The following GRM7 variants were observed in gnomAD, a reference collection of about 807,000 sequenced individuals.
GRM7 encodes the protein glutamate metabotropic receptor 7, also known as metabotropic glutamate receptor 7.
Under a neutral mutation model 84.5 loss-of-function variants are expected in GRM7, and 35 were observed. That is an observed-to-expected ratio of 0.41 (90% CI 0.32 to 0.55). The LOEUF is 0.55. Among genes scored for constraint, GRM7 ranks in the 20% least tolerant of loss-of-function variants. The pLI, the probability that GRM7 is intolerant of heterozygous loss-of-function variation, is 0.19. For missense variants in GRM7, 1,003 were observed against 1,194.6 expected (o/e 0.84, Z 2.36); for synonymous variants, 487 against 455.1 (o/e 1.07, Z -0.89).
At chr3:7,702,403 T>A (rs953096699) in intron 9 of GRM7, among the ~76,000 whole-genome samples, 2 of 152,214 alleles carry the variant, frequency 1.3e-5, no homozygotes, top group African/African-American at 4.8e-5. Flanking sequence ...AAATTTTGAC[T>A]ATGTACAACC....
At chr3:6,889,217 C>T (rs1480177082) in intron 1 of GRM7, among the ~76,000 whole-genome samples, 1 of 152,014 alleles carries the variant, frequency 6.6e-6, no homozygotes, top group South Asian at 2.1e-4. Context: ...ATTGAATGCC[C>T]TTTATTTCCT....
At chr3:6,996,336 C>T (rs1694829922) in intron 1 of GRM7, among the ~76,000 whole-genome samples, 1 of 152,172 alleles carries the variant, frequency 6.6e-6, no homozygotes, top group African/African-American at 2.4e-5. Context: ...ACATGAGCCA[C>T]CATGCCTGGC....
At chr3:7,376,522 C>A (rs1450657737) in intron 4 of GRM7, among the ~76,000 whole-genome samples, 1 of 152,158 alleles carries the variant, frequency 6.6e-6, no homozygotes, top group Non-Finnish European at 1.5e-5. Context: ...ATATATGGAG[C>A]CTTCAACAAT....
chr3:7,352,074 C>CACACACACAT (rs1693183979), intron 4 of GRM7, among the ~76,000 whole-genome samples: 2 of 150,122 alleles, frequency 1.3e-5, no homozygotes, highest in African/African-American at 2.5e-5. Context: ...CACACACACA[C>CACACACACAT]ACACACACAC....
intron 1 of GRM7, among the ~76,000 whole-genome samples, chr3:7,058,603 C>T (rs1484513738): frequency 1.3e-5 from 2 of 151,880 alleles, no homozygotes; most frequent in Admixed American, 6.6e-5. Flanking sequence ...GCTTGTTCCT[C>T]AGTGCCATAA....
intron 2 of GRM7, among the ~76,000 whole-genome samples, chr3:7,295,179 T>C (rs1699772699): frequency 1.3e-5 from 2 of 152,212 alleles, no homozygotes; most frequent in African/African-American, 4.8e-5. Context: ...AGTTAATTTC[T>C]ATATAAGGCA....
chr3:7,112,575 G>T (rs906023631), intron 1 of GRM7, among the ~76,000 whole-genome samples: 4 of 152,088 alleles, frequency 2.6e-5, no homozygotes, highest in Admixed American at 2.6e-4. Context: ...CTGACTTTGA[G>T]AATTATCTTG....
intron 8 of GRM7, among the ~76,000 whole-genome samples, chr3:7,637,011 G>A (rs1209828804): frequency 1.3e-5 from 2 of 152,220 alleles, no homozygotes; most frequent in Admixed American, 1.3e-4. Context: ...GTCATGGCAT[G>A]AGAATACTCC....
At chr3:7,548,732 T>C (rs1693292523) in intron 7 of GRM7, among the ~76,000 whole-genome samples, 1 of 152,214 alleles carries the variant, frequency 6.6e-6, no homozygotes, top group Non-Finnish European at 1.5e-5. Flanking sequence ...TACAGCCATT[T>C]TGAAGCACTA....
At chr3:7,626,027 C>T (rs922107528) in intron 8 of GRM7, among the ~76,000 whole-genome samples, 2 of 152,024 alleles carry the variant, frequency 1.3e-5, no homozygotes, top group Non-Finnish European at 2.9e-5. Context: ...ACATGGGAGG[C>T]ATGTTCTTAG....
intron 8 of GRM7, among the ~76,000 whole-genome samples, chr3:7,667,694 C>G (rs1440473053): frequency 6.6e-6 from 1 of 151,866 alleles, no homozygotes; most frequent in Non-Finnish European, 1.5e-5. Flanking sequence ...CAGCAATTTA[C>G]TCACATTCTT....
intron 2 of GRM7, among the ~76,000 whole-genome samples, chr3:7,238,289 A>G (rs1196718908): frequency 6.6e-6 from 1 of 152,146 alleles, no homozygotes; most frequent in Non-Finnish European, 1.5e-5. Context: ...TTTCTATTCT[A>G]GGTTCATCAC....
intron 2 of GRM7, among the ~76,000 whole-genome samples, chr3:7,170,949 T>C (rs1271142567): frequency 2.6e-5 from 4 of 152,144 alleles, no homozygotes; most frequent in Non-Finnish European, 4.4e-5. Flanking sequence ...TGCAGACACA[T>C]GTCTTGTGTA....
chr3:7,219,430 G>A (rs2124870455), intron 2 of GRM7, among the ~76,000 whole-genome samples: 1 of 152,252 alleles, frequency 6.6e-6, no homozygotes, highest in East Asian at 1.9e-4. Flanking sequence ...TTACTACAGT[G>A]AATAGCCTTG....
intron 1 of GRM7, among the ~76,000 whole-genome samples, chr3:6,924,007 C>T (rs62235386): frequency 0.072 from 10,935 of 152,242 alleles, 538 homozygotes; most frequent in Non-Finnish European, 0.11. Context: ...AGTCAGAAGA[C>T]TTGAGCTTTC....
intron 1 of GRM7, among the ~76,000 whole-genome samples, chr3:7,078,375 G>T (rs757476058): frequency 7.2e-5 from 11 of 152,156 alleles, no homozygotes; most frequent in Non-Finnish European, 1.5e-4. Context: ...GCGTATCATA[G>T]TTGGAGAAGC....
chr3:7,091,992 TTTATTTATTTA>T (rs1182267312), intron 1 of GRM7, among the ~76,000 whole-genome samples: 1 of 151,634 alleles, frequency 6.6e-6, no homozygotes, highest in East Asian at 1.9e-4. Context: ...CAGTTTTTAT[TTTATTTATTTA>T]TTATTTATTT....
chr3:7,729,042 CTTTT>C lies in GRM7; in HGVS notation c.2699-11301_2699-11298del, dbSNP rs5846541. On this transcript the variant is annotated intron_variant, in intron 9 of 9. Transcript: ENST00000357716. The stretch of plus-strand genomic sequence containing the variant: ...GCAACCTCAGCATAATGCCCTCAGG[CTTTT>C]TTTTTTTTTTTTTCCCCATAGTTTT... Among the ~76,000 whole-genome samples the C allele has an allele frequency of 0.011, 628 of 55,872 alleles. 11 individuals are homozygous for C. The East Asian group carries it at 0.33, about 29-fold the overall frequency. 36.7% of individuals were successfully genotyped at this position (55,872 alleles called of 152,430 possible).
At chr3:6,990,229 T>C (rs1270526759) in intron 1 of GRM7, among the ~76,000 whole-genome samples, 1 of 150,750 alleles carries the variant, frequency 6.6e-6, no homozygotes, top group Admixed American at 6.6e-5. Context: ...CTTGGAAAGA[T>C]GTTGGTCCCC....
Sources: gnomAD v4.1 joint callset for allele counts (sites outside exome capture counted in the v4.1 genomes callset) on GRCh38, gnomAD v4.1.1 for gene constraint, MANE v1.5 for transcripts, NCBI Gene and HGNC (gene_info 2026-07-23, HGNC 2026-07-21) for gene names.